ANK3: variants seen among roughly 807,000 people sequenced by gnomAD.
The protein encoded by ANK3 is ankyrin 3.
ANK3 carries 57 observed loss-of-function variants against 370.9 expected under a neutral mutation model. The ratio of observed to expected loss-of-function variants is 0.15; its 90% CI spans 0.12 to 0.19. The LOEUF (loss-of-function observed/expected upper bound fraction) is 0.19, where lower values mean the gene tolerates loss of function less well. Among genes scored for constraint, ANK3 ranks in the 10% least tolerant of loss-of-function variants. The pLI, the probability that ANK3 is intolerant of heterozygous loss-of-function variation, is 1.00. For missense variants in ANK3, 4,439 were observed against 5,302.1 expected (o/e 0.84, Z 5.06); for synonymous variants, 1,929 against 1,946.3 (o/e 0.99, Z 0.23).
At chr10:60,317,134 C>T (rs553412119) in intron 1 of ANK3, among the ~76,000 whole-genome samples, 1 of 151,854 alleles carries the variant, frequency 6.6e-6, no homozygotes, top group Admixed American at 6.6e-5. Flanking sequence ...TTATTGAATA[C>T]CTGATAGGTT....
At chr10:60,131,005 C>T (rs1008555808) in intron 25 of ANK3, among the ~76,000 whole-genome samples, 1 of 152,196 alleles carries the variant, frequency 6.6e-6, no homozygotes, top group Non-Finnish European at 1.5e-5. Context: ...TTTGCTTTAA[C>T]TTTATCCACA....
intron 1 of ANK3, among the ~76,000 whole-genome samples, chr10:60,723,580 C>A (rs912693887): frequency 1.3e-4 from 20 of 152,090 alleles, no homozygotes; most frequent in African/African-American, 4.3e-4. Context: ...ATTGGGTGAC[C>A]TTCTTTTCTC....
chr10:60,689,739 A>G (rs2079322647), intron 1 of ANK3, among the ~76,000 whole-genome samples: 1 of 146,000 alleles, frequency 6.8e-6, no homozygotes, highest in African/African-American at 2.5e-5. Context: ...TGGGTGATGG[A>G]GCAAGACTTC....
intron 2 of ANK3, among the ~76,000 whole-genome samples, chr10:60,472,155 G>A (rs2065234610): frequency 6.6e-6 from 1 of 152,102 alleles, no homozygotes; most frequent in African/African-American, 2.4e-5. Context: ...AGAAGTTCAA[G>A]GCAAAGACTA....
intron 28 of ANK3, among the ~76,000 whole-genome samples, chr10:60,096,065 C>T (rs1035610356): frequency 1.1e-4 from 17 of 151,922 alleles, no homozygotes; most frequent in Admixed American, 5.2e-4. Context: ...TCCCAGCTAT[C>T]GGGAGGCTGA....
intron 2 of ANK3, among the ~76,000 whole-genome samples, chr10:60,518,118 T>A (rs142799574): frequency 6.1e-5 from 9 of 147,076 alleles, no homozygotes; most frequent in Middle Eastern, 3.4e-3. Context: ...GAGGTTGGCA[T>A]GGCTAAAACT....
intron 2 of ANK3, among the ~76,000 whole-genome samples, chr10:60,545,869 G>A (rs2076952187): frequency 6.6e-6 from 1 of 152,134 alleles, no homozygotes; most frequent in Non-Finnish European, 1.5e-5. Context: ...CCACTTACAA[G>A]AAAAGATAAT....
chr10:60,484,012 T>C (rs1303323226), intron 2 of ANK3, among the ~76,000 whole-genome samples: 1 of 152,202 alleles, frequency 6.6e-6, no homozygotes, highest in Non-Finnish European at 1.5e-5. Context: ...CACCTTCTGA[T>C]ACCATGTGCA....
chr10:60,086,844 C>T lies in ANK3; in HGVS notation c.3581G>A (p.Gly1194Glu), dbSNP rs780524754. Reference protein sequence around the residue: ...VPDEIVKKILGNKATFSPIVT... With the variant: ...VPDEIVKKILENKATFSPIVT... Reference sequence around the variant, plus strand: ...AATTGGGCTAAAAGTTGCTTTGTTTCCAAGGATCTTTTTCACAATTTCATC... The same window carrying T: ...AATTGGGCTAAAAGTTGCTTTGTTTTCAAGGATCTTTTTCACAATTTCATC... Residue 1194 changes from glycine to glutamate, a missense_variant, in exon 30 of 44, where the codon GGA (glycine) becomes GAA (glutamate). Physicochemically the swap from Gly to Glu is moderately conservative, Grantham distance 98. Around this residue, in one of 13 missense-constraint regions of ANK3, gnomAD observed 702 missense variants for 941.5 expected, o/e 0.75. Transcript: ENST00000280772. 39 of 1,613,180 alleles carry T rather than the reference C, an allele frequency of 2.4e-5. No homozygotes were observed. The Admixed American group carries it at 4.3e-4, about 18-fold the overall frequency.
upstream of ANK3, among the ~76,000 whole-genome samples, chr10:60,390,739 CACACACACACACACACACACACACACAA>C (rs1482310796): frequency 2.1e-3 from 200 of 93,308 alleles, 2 homozygotes; most frequent in African/African-American, 6.9e-3. Context: ...AACACACACA[CACACACACACACACACACACACACACAA>C]ACAACAATTT....
chr10:60,546,764 T>C (rs1279787692), intron 2 of ANK3, among the ~76,000 whole-genome samples: 1 of 152,112 alleles, frequency 6.6e-6, no homozygotes, highest in Non-Finnish European at 1.5e-5. Flanking sequence ...AATGAAACCA[T>C]ATTTAATAAA....
At chr10:60,169,755 T>C (rs1209931103) in intron 21 of ANK3, among the ~76,000 whole-genome samples, 1 of 152,230 alleles carries the variant, frequency 6.6e-6, no homozygotes, top group Non-Finnish European at 1.5e-5. Flanking sequence ...AATTCATGGA[T>C]AGTTATTTTA....
At chr10:60,034,727 G>A (rs1279733870) in intron 43 of ANK3, among the ~76,000 whole-genome samples, 3 of 152,074 alleles carry the variant, frequency 2.0e-5, no homozygotes, top group Non-Finnish European at 2.9e-5. Context: ...GAAAGCCTGA[G>A]CCCACTGAGG....
rs560892289 is a variant in ANK3, at chr10:60,458,188, A to G, written c.96+156998T>C. Among the ~76,000 whole-genome samples the G allele has an allele frequency of 9.9e-5, 15 of 152,236 alleles. 1 individual carries two copies. In the East Asian group the frequency reaches 2.9e-3, roughly 29 times the overall value. ...ATCTCTGACTCGGCATCCTGCAAGTACAGATGGAAGTTACTGGGAAATGAA... is the reference window on the plus strand; with the variant it reads ...ATCTCTGACTCGGCATCCTGCAAGTGCAGATGGAAGTTACTGGGAAATGAA... On this transcript the variant is annotated intron_variant, in intron 2 of 43. Transcript: ENST00000373827.
Position 60,073,063 on chromosome 10 carries a change from C to A in ANK3, c.7818G>T (p.Leu2606=), listed in dbSNP as rs1454270861. 5 of 1,614,100 alleles carry A rather than the reference C, an allele frequency of 3.1e-6. No homozygotes were observed. In the East Asian group the frequency reaches 1.1e-4, roughly 36 times the overall value. The change falls in exon 37 of 44, where the codon CTG becomes CTT. Residue 2606 remains leucine, a synonymous_variant. Coordinates refer to ENST00000280772, the MANE Select transcript of ANK3 (RefSeq NM_020987.5). The part of the protein sequence containing the change: ...RDKTEKLNDE[L]QSPEKKARPK... ...GGCGTGCCTTTTTCTCTGGGGACTGCAGTTCATCATTTAGCTTTTCAGTTT... is the reference window on the plus strand; with the variant it reads ...GGCGTGCCTTTTTCTCTGGGGACTGAAGTTCATCATTTAGCTTTTCAGTTT...
intron 2 of ANK3, among the ~76,000 whole-genome samples, chr10:60,426,929 T>C (rs777143780): frequency 6.6e-6 from 1 of 152,100 alleles, no homozygotes; most frequent in Non-Finnish European, 1.5e-5. Context: ...TGATTTCCAG[T>C]GAGACTCAAT....
chr10:60,408,176 A>G (rs2063490870), intron 2 of ANK3, among the ~76,000 whole-genome samples: 1 of 152,220 alleles, frequency 6.6e-6, no homozygotes, highest in Admixed American at 6.5e-5. Context: ...GTTACATTCT[A>G]TCAGCCTGAC....
chr10:60,269,378 G>C (rs1401056405), intron 5 of ANK3, among the ~76,000 whole-genome samples: 1 of 152,062 alleles, frequency 6.6e-6, no homozygotes, highest in Non-Finnish European at 1.5e-5. Flanking sequence ...GGGCGTGGTG[G>C]CTCACACTTG....
At position 60,590,981 on chromosome 10, in the gene ANK3, C is replaced by T. The variant is rs1435292500; in HGVS notation, c.96+24205G>A. ...CAACTGTAGTTAATGACATTGAAGACACCATGCATAAAGGTGCTGAAAACT... is the reference window on the plus strand; with the variant it reads ...CAACTGTAGTTAATGACATTGAAGATACCATGCATAAAGGTGCTGAAAACT... On this transcript the variant is annotated intron_variant, in intron 2 of 43. Coordinates refer to the ANK3 transcript ENST00000373827. 2.6e-5 allele frequency among the ~76,000 whole-genome samples: 4 copies of T among 152,168 alleles called. No individual in the cohort carries two copies. The East Asian group carries it at 7.7e-4, about 29-fold the overall frequency.
Sources: allele counts gnomAD v4.1 joint callset (sites outside exome capture counted in the v4.1 genomes callset), GRCh38; gene constraint gnomAD v4.1.1; regional missense constraint gnomAD v4.1.1; transcripts MANE v1.5; gene names NCBI Gene and HGNC (gene_info 2026-07-23, HGNC 2026-07-21).